ITCH: variants seen among roughly 807,000 people sequenced by gnomAD.
The protein encoded by ITCH is itchy E3 ubiquitin protein ligase.
In ITCH, 28 loss-of-function variants were observed where a neutral mutation model predicts 126.8. The observed-to-expected ratio is 0.22, with a 90% CI of 0.16 to 0.30. ITCH has a LOEUF of 0.30. Ranked by LOEUF, ITCH falls within the 10% of genes least tolerant of loss-of-function variation. ITCH has a pLI of 1.00. For missense variants in ITCH, 631 were observed against 1,032.4 expected, an observed-to-expected ratio of 0.61 and a Z score of 5.33; for synonymous variants, 342 against 340.0, an observed-to-expected ratio of 1.01 and a Z score of -0.06.
intron 8 of ITCH, 71 bp from the exon 9 acceptor site, chr20:34,440,084 A>T: frequency 9.3e-7 from 1 of 1,076,932 alleles, no homozygotes; most frequent in Non-Finnish European, 1.4e-6. Context: ...TTTATTTTTT[A>T]CAGTTAAAAT....
chr20:34,507,610 T>TA, intron 24 of ITCH, 85 bp from the exon 25 acceptor site: 1 of 1,007,494 alleles, frequency 9.9e-7, no homozygotes, highest in South Asian at 1.3e-5. Context: ...TGTGCTTCTA[T>TA]AGTAGTGTAT....
At chr20:34,388,378 T>G (rs2038366343) in intron 2 of ITCH, among the ~76,000 whole-genome samples, 1 of 152,134 alleles carries the variant, frequency 6.6e-6, no homozygotes, top group South Asian at 2.1e-4. Flanking sequence ...TGCTTGCTTT[T>G]CTTTTCTTTC....
intron 1 of ITCH, among the ~76,000 whole-genome samples, chr20:34,366,630 G>A (rs542232647): frequency 7.9e-5 from 12 of 152,150 alleles, no homozygotes; most frequent in African/African-American, 2.6e-4. Flanking sequence ...AGTTTGGGAG[G>A]CTGAGGCGGG....
intron 3 of ITCH, among the ~76,000 whole-genome samples, chr20:34,396,191 G>T (rs1437499718): frequency 6.6e-6 from 1 of 151,570 alleles, no homozygotes; most frequent in African/African-American, 2.4e-5. Flanking sequence ...GCACAACCAT[G>T]TGTAGCTAAT....
chr20:34,467,997 A>G (rs1007115216), intron 14 of ITCH, among the ~76,000 whole-genome samples: 5 of 151,280 alleles, frequency 3.3e-5, no homozygotes, highest in Non-Finnish European at 7.4e-5. Flanking sequence ...ACATAATACA[A>G]TGCAAATTTA....
At chr20:34,441,470 G>A (rs2146290424) in intron 9 of ITCH, 1 of 152,128 alleles carries the variant, frequency 6.6e-6, no homozygotes, top group Middle Eastern at 3.4e-3. Flanking sequence ...TGTTGCCCAA[G>A]CTGTAGTGCA....
At chr20:34,404,826 C>T (rs944445450) in intron 3 of ITCH, among the ~76,000 whole-genome samples, 1 of 151,992 alleles carries the variant, frequency 6.6e-6, no homozygotes, top group African/African-American at 2.4e-5. Context: ...AATTGGTGCT[C>T]CTCCACCCCC....
chr20:34,476,410 C>T, intron 16 of ITCH: 1 of 1,237,900 alleles, frequency 8.1e-7, no homozygotes, highest in Admixed American at 4.3e-5. Flanking sequence ...CAGCCACCGG[C>T]CGGCCGGGTC....
At chr20:34,475,990 C>G in intron 16 of ITCH, 2 of 1,602,196 alleles carry the variant, frequency 1.2e-6, no homozygotes, top group Non-Finnish European at 1.7e-6. Flanking sequence ...CTCGAACAGT[C>G]ATATTGTCCA....
rs961124302 is a variant in ITCH at position 34,436,758 on chromosome 20, G to A, written c.522-1716G>A. Among the ~76,000 whole-genome samples, 7 of 152,216 alleles carry A rather than the reference G, an allele frequency of 4.6e-5. No individual in the cohort carries two copies. The South Asian group carries it at 6.2e-4, about 13-fold the overall frequency. On this transcript the variant is annotated intron_variant, in intron 7 of 24. Transcript: ENST00000374864. ...ACAAGCTCCTGTATAGTGCTCGTCC[G>A]TTTGGTTTAAAGACCACACTTTGAA...
chr20:34,414,483 T>A (rs980856790), intron 6 of ITCH, among the ~76,000 whole-genome samples: 17 of 114,258 alleles, frequency 1.5e-4, no homozygotes, highest in South Asian at 2.9e-4. Context: ...TTTTTTTTTT[T>A]AAGACGGAGT....
intron 14 of ITCH, among the ~76,000 whole-genome samples, 155 bp from the exon 15 acceptor site, chr20:34,469,893 A>G (rs1395182376): frequency 2.0e-5 from 3 of 152,240 alleles, no homozygotes; most frequent in Admixed American, 6.5e-5. Flanking sequence ...TTGGGGAAAT[A>G]TCTCTCAAAA....
chr20:34,471,796 T>TGTGTG (rs58040161), intron 16 of ITCH, among the ~76,000 whole-genome samples: 18 of 150,146 alleles, frequency 1.2e-4, no homozygotes, highest in South Asian at 2.1e-4. Flanking sequence ...TGTGTGTGTG[T>TGTGTG]TTCAGGTTTC....
intron 2 of ITCH, among the ~76,000 whole-genome samples, chr20:34,376,562 AAGTT>A (rs922047697): frequency 1.1e-4 from 17 of 152,124 alleles, no homozygotes; most frequent in Admixed American, 4.6e-4. Flanking sequence ...AGAAGGAGGG[AAGTT>A]AGTTAGTTAT....
intron 23 of ITCH, among the ~76,000 whole-genome samples, chr20:34,496,426 G>C (rs978665975): frequency 2.0e-5 from 3 of 152,054 alleles, no homozygotes; most frequent in African/African-American, 7.2e-5. Context: ...TGTTTCCTTT[G>C]CTATGCCAAA....
chr20:34,476,335 G>A (rs1988218994), intron 16 of ITCH: 24 of 1,273,340 alleles, frequency 1.9e-5, no homozygotes, highest in South Asian at 6.4e-5. Context: ...GCTCGCCTCC[G>A]CGCTCCGGCC....
chr20:34,461,822 A>G (rs1483046337), intron 13 of ITCH, among the ~76,000 whole-genome samples: 3 of 152,016 alleles, frequency 2.0e-5, no homozygotes, highest in Non-Finnish European at 4.4e-5. Flanking sequence ...AATGGTTAGA[A>G]CTTGGTTAAC....
intron 2 of ITCH, among the ~76,000 whole-genome samples, chr20:34,377,887 T>G (rs1006240471): frequency 1.1e-4 from 17 of 151,754 alleles, no homozygotes; most frequent in African/African-American, 4.1e-4. Flanking sequence ...AAAAAAAAAT[T>G]ATGATTCAGA....
intron 2 of ITCH, among the ~76,000 whole-genome samples, chr20:34,373,803 T>C (rs1336265613): frequency 6.6e-6 from 1 of 152,218 alleles, no homozygotes; most frequent in African/African-American, 2.4e-5. Context: ...AAATATCTAC[T>C]AACTTGCTTG....
Sources: allele counts gnomAD v4.1 joint callset (sites outside exome capture counted in the v4.1 genomes callset), GRCh38; gene constraint gnomAD v4.1.1; transcripts MANE v1.5; gene names NCBI Gene and HGNC (gene_info 2026-07-23, HGNC 2026-07-21).